TRAPPC9: variants seen among roughly 807,000 people sequenced by gnomAD.
TRAPPC9 encodes IKK2 binding protein.
TRAPPC9 carries 83 observed loss-of-function variants against 124.0 expected under a neutral mutation model. The ratio of observed to expected loss-of-function variants is 0.67; its 90% confidence interval spans 0.56 to 0.80. The LOEUF is 0.80. Among genes scored for constraint, TRAPPC9 ranks in the 30% least tolerant of loss-of-function variants. TRAPPC9 has a pLI of 0.00. For missense variants in TRAPPC9, 1,302 were observed against 1,508.3 expected (o/e 0.86, Z 2.27); for synonymous variants, 638 against 617.5 (o/e 1.03, Z -0.49).
At chr8:139,896,315 C>T (rs1343018440) in intron 20 of TRAPPC9, among the ~76,000 whole-genome samples, 5 of 152,114 alleles carry the variant, frequency 3.3e-5, no homozygotes, top group African/African-American at 1.2e-4. Context: ...AGCAAGAGGT[C>T]AATCCATAAT....
chr8:140,343,793 G>A (rs1284401462), intron 9 of TRAPPC9, among the ~76,000 whole-genome samples: 1 of 152,112 alleles, frequency 6.6e-6, no homozygotes, highest in Non-Finnish European at 1.5e-5. Context: ...TGGGGCCCTG[G>A]AACTGGCATT....
At chr8:140,334,993 G>GT (rs2066996903) in intron 9 of TRAPPC9, among the ~76,000 whole-genome samples, 1 of 152,116 alleles carries the variant, frequency 6.6e-6, no homozygotes, top group Non-Finnish European at 1.5e-5. Flanking sequence ...AATGTTCAGT[G>GT]TATCTGAAGT....
intron 15 of TRAPPC9, among the ~76,000 whole-genome samples, chr8:140,271,015 T>A (rs1286307884): frequency 2.0e-5 from 3 of 152,188 alleles, no homozygotes; most frequent in Non-Finnish European, 4.4e-5. Context: ...ACAGAGTTTA[T>A]TTGAGGTAAG....
chr8:140,317,301 C>T (rs1608126), intron 9 of TRAPPC9, among the ~76,000 whole-genome samples: 145,931 of 152,248 alleles, frequency 0.96, 70,006 homozygotes, highest in East Asian at 1. Context: ...CAGTGTTAGA[C>T]TGTTTATTTG....
intron 21 of TRAPPC9, among the ~76,000 whole-genome samples, chr8:139,772,054 C>G (rs1305996085): frequency 6.6e-6 from 1 of 152,232 alleles, no homozygotes; most frequent in African/African-American, 2.4e-5. Context: ...GGGGCACTGG[C>G]TACCACATGC....
chr8:140,233,617 T>TCCCCC (rs1287359839), intron 16 of TRAPPC9, among the ~76,000 whole-genome samples: 10 of 30,310 alleles, frequency 3.3e-4, no homozygotes, highest in Non-Finnish European at 4.0e-4. Context: ...CCTCCCTCTC[T>TCCCCC]CCCCACCACA....
At chr8:139,906,142 C>G (rs917310086) in intron 20 of TRAPPC9, among the ~76,000 whole-genome samples, 3 of 152,108 alleles carry the variant, frequency 2.0e-5, no homozygotes, top group Admixed American at 1.3e-4. Flanking sequence ...AAAGGGGTAC[C>G]TAACCCATTA....
intron 21 of TRAPPC9, among the ~76,000 whole-genome samples, chr8:139,848,935 A>G (rs577800773): frequency 1.4e-4 from 21 of 152,338 alleles, no homozygotes; most frequent in African/African-American, 4.6e-4. Flanking sequence ...TGTTTTGCAG[A>G]CATCCAAAGT....
chr8:140,433,066 G>A (rs1247739428), intron 4 of TRAPPC9, among the ~76,000 whole-genome samples: 1 of 152,158 alleles, frequency 6.6e-6, no homozygotes, highest in Non-Finnish European at 1.5e-5. Flanking sequence ...ACTTTGGGAG[G>A]CCGAAGCGGG....
chr8:140,044,266 C>T (rs891074328), intron 17 of TRAPPC9, among the ~76,000 whole-genome samples: 33 of 131,434 alleles, frequency 2.5e-4, no homozygotes, highest in Non-Finnish European at 6.2e-5. Context: ...AACAGAACAA[C>T]AACGACCAAA....
At chr8:140,210,119 G>A (rs1015413683) in intron 17 of TRAPPC9, among the ~76,000 whole-genome samples, 16 of 152,214 alleles carry the variant, frequency 1.1e-4, no homozygotes, top group Non-Finnish European at 2.2e-4. Context: ...TTCTGGCCTC[G>A]GCCTGTTCGG....
chr8:140,166,110 C>A (rs1025988829), intron 17 of TRAPPC9, among the ~76,000 whole-genome samples: 7 of 152,166 alleles, frequency 4.6e-5, no homozygotes, highest in African/African-American at 1.7e-4. Flanking sequence ...GGAATAGCAA[C>A]CTCAGTGCGA....
chr8:140,077,282 T>C (rs1228143637), intron 17 of TRAPPC9, among the ~76,000 whole-genome samples: 1 of 152,206 alleles, frequency 6.6e-6, no homozygotes, highest in African/African-American at 2.4e-5. Context: ...ACAGGGATCA[T>C]GGTTCACTTG....
intron 20 of TRAPPC9, 104 bp downstream of exon 20, chr8:139,910,043 C>T (rs1831616521): frequency 7.4e-7 from 1 of 1,346,694 alleles, no homozygotes; most frequent in Non-Finnish European, 1.0e-6. Context: ...TCTGAGCTAC[C>T]TGTGGTGAAA....
chr8:139,930,358 G>A (rs1042018165), intron 19 of TRAPPC9, among the ~76,000 whole-genome samples: 6 of 152,204 alleles, frequency 3.9e-5, no homozygotes, highest in African/African-American at 9.7e-5. Context: ...AGGCCAGCGC[G>A]CTCACACAAC....
chr8:139,998,204 T>C (rs550793399), intron 18 of TRAPPC9, among the ~76,000 whole-genome samples: 1 of 152,374 alleles, frequency 6.6e-6, no homozygotes, highest in South Asian at 2.1e-4. Flanking sequence ...CAGAAGTCCA[T>C]ATCTATTAAA....
chr8:140,212,688 T>A (rs2063087286), intron 17 of TRAPPC9, among the ~76,000 whole-genome samples: 1 of 152,194 alleles, frequency 6.6e-6, no homozygotes, highest in Non-Finnish European at 1.5e-5. Flanking sequence ...AGATTTCATA[T>A]TATTTCTCCC....
chr8:139,799,543 C>T (rs1208120038), intron 21 of TRAPPC9, among the ~76,000 whole-genome samples: 9 of 152,206 alleles, frequency 5.9e-5, no homozygotes, highest in South Asian at 2.1e-4. Flanking sequence ...CTGGCTCCCA[C>T]GAGGGTCTGG....
chr8:140,048,781 C>A (rs920298667), intron 17 of TRAPPC9, among the ~76,000 whole-genome samples: 2 of 152,110 alleles, frequency 1.3e-5, no homozygotes, highest in Admixed American at 6.5e-5. Context: ...AGCCCAGGAC[C>A]CCCTCTCCCG....
Sources: gnomAD v4.1 joint callset for allele counts (sites outside exome capture counted in the v4.1 genomes callset) on GRCh38, gnomAD v4.1.1 for gene constraint, MANE v1.5 for transcripts, NCBI Gene and HGNC (gene_info 2026-07-23, HGNC 2026-07-21) for gene names.